Variants in CBLB observed in about 807,000 individuals in gnomAD.
CBLB encodes the protein Cbl proto-oncogene B.
Under a neutral mutation model 104.9 loss-of-function variants are expected in CBLB, and 31 were observed. The ratio of observed to expected loss-of-function variants is 0.30; its 90% CI spans 0.22 to 0.40. The LOEUF is 0.40. Ranked by LOEUF, CBLB falls within the 10% of genes least tolerant of loss-of-function variation. The pLI is 1.00. For missense variants in CBLB, 1,062 were observed against 1,214.6 expected, an observed-to-expected ratio of 0.87 and a Z score of 1.87; for synonymous variants, 440 against 422.6, an observed-to-expected ratio of 1.04 and a Z score of -0.51.
At chr3:105,807,300 T>G (rs539003057) in intron 3 of CBLB, among the ~76,000 whole-genome samples, 8 of 152,312 alleles carry the variant, frequency 5.3e-5, no homozygotes, top group Non-Finnish European at 1.2e-4. Flanking sequence ...CTCACACCTG[T>G]AATCCCAGCA....
intron 2 of CBLB, among the ~76,000 whole-genome samples, chr3:105,857,961 A>C (rs1243962208): frequency 1.3e-5 from 2 of 152,220 alleles, no homozygotes; most frequent in Non-Finnish European, 2.9e-5. Context: ...TAAATTTGCC[A>C]AAAGGAGTAT....
intron 2 of CBLB, among the ~76,000 whole-genome samples, chr3:105,866,824 G>A (rs1261322278): frequency 2.0e-5 from 3 of 152,138 alleles, no homozygotes; most frequent in Admixed American, 6.5e-5. Flanking sequence ...TAAACAATGT[G>A]CCATCGAAAG....
intron 3 of CBLB, among the ~76,000 whole-genome samples, chr3:105,815,330 G>A (rs185055508): frequency 7.9e-5 from 12 of 152,214 alleles, no homozygotes; most frequent in Admixed American, 6.5e-5. Context: ...AAAAGCATCC[G>A]TTCTGTTCAA....
intron 2 of CBLB, among the ~76,000 whole-genome samples, chr3:105,861,070 T>C: frequency 6.6e-6 from 1 of 152,064 alleles, no homozygotes; most frequent in South Asian, 2.1e-4. Flanking sequence ...ATAAAATGTG[T>C]TGGATATTTT....
At chr3:105,839,733 G>A (rs1200126637) in intron 3 of CBLB, among the ~76,000 whole-genome samples, 1 of 152,198 alleles carries the variant, frequency 6.6e-6, no homozygotes, top group African/African-American at 2.4e-5. Flanking sequence ...ACTCACAGAA[G>A]GAAATACAAC....
intron 9 of CBLB, 30 bp downstream of exon 9, chr3:105,733,979 G>T (rs761052041): frequency 1.9e-6 from 3 of 1,606,974 alleles, no homozygotes; most frequent in Non-Finnish European, 2.6e-6. Flanking sequence ...GGACATATAA[G>T]AAAGACATCC....
chr3:105,703,288 T>C (rs755938415), intron 11 of CBLB, among the ~76,000 whole-genome samples: 1 of 152,192 alleles, frequency 6.6e-6, no homozygotes, highest in Non-Finnish European at 1.5e-5. Context: ...GGTTAACTGG[T>C]AATACAGGAA....
rs189401157 is a variant in CBLB, at chr3:105,771,558, A to G, written c.566+4838T>C. On this transcript the variant is annotated intron_variant, in intron 4 of 18. Transcript: ENST00000394030. ...AGCAATCCAATAAAAAAAAAGAAAG[A>G]AGAAGCATCCAAATTGGAAAAGAGG... 2.0e-3 allele frequency among the ~76,000 whole-genome samples: 300 copies of G among 152,266 alleles called. 2 individuals carry two copies. The highest frequency in any genetic ancestry group is 7.0e-3 in the African/African-American group (292 of 41,552).
At chr3:105,698,809 A>ACT (rs1363510178) in intron 12 of CBLB, among the ~76,000 whole-genome samples, 1 of 152,056 alleles carries the variant, frequency 6.6e-6, no homozygotes, top group African/African-American at 2.4e-5. Context: ...CTTTTTAAAA[A>ACT]ATCAAAATAT....
chr3:105,783,132 C>T (rs2080497717), intron 3 of CBLB, among the ~76,000 whole-genome samples: 2 of 152,054 alleles, frequency 1.3e-5, no homozygotes, highest in South Asian at 2.1e-4. Context: ...TACATATTGA[C>T]GAGTTTGGTC....
At chr3:105,678,060 T>A (rs929425068) in intron 17 of CBLB, among the ~76,000 whole-genome samples, 14 of 152,094 alleles carry the variant, frequency 9.2e-5, no homozygotes, top group African/African-American at 3.1e-4. Context: ...AAAAACCTAT[T>A]AAAAAACATT....
chr3:105,657,133 C>T lies in CBLB; in HGVS notation c.*1837G>A. The stretch of plus-strand genomic sequence containing the variant: ...AGTCCTCATCTCATACCATGAAAGC[C>T]AGACTGTCAAAAAAAGGGCACATGT... On this transcript the variant is annotated 3_prime_UTR_variant, in exon 19 of 19. Transcript: ENST00000394030. 1 of 225,104 alleles carries T rather than the reference C, an allele frequency of 4.4e-6. No individual in the cohort carries two copies. Among genetic ancestry groups the T allele is most frequent in the Non-Finnish European group, 8.8e-6 (1 of 113,002 alleles). 13.9% of individuals were successfully genotyped at this position (225,104 alleles called of 1,614,324 possible). A position where few individuals can be genotyped will look rare whatever the true frequency, so the allele number is the denominator to read the frequency against.
At position 105,702,363 on chromosome 3, in the gene CBLB, G is replaced by A. The variant is rs542952599; in HGVS notation, c.1690C>T (p.Pro564Ser). The change falls in exon 12 of 19, where the codon CCA becomes TCA. Residue 564 changes from proline to serine, a missense_variant. Pro to Ser is a moderately conservative substitution (Grantham distance 74, BLOSUM62 -1). Coordinates refer to ENST00000394030, the MANE Select transcript of CBLB (RefSeq NM_170662.5). ...CTCAGTCTATTGTCTGGTGGGATTG[G>A]TGGAGGTCTTTCAGGTGGCGGTGGA... ...PPPPPPERPP[P>S]IPPDNRLSRH... The A allele has an allele frequency of 1.2e-6, 2 of 1,613,630 alleles. No homozygotes were observed. Among genetic ancestry groups the A allele is most frequent in the Non-Finnish European group, 1.7e-6 (2 of 1,179,884 alleles).
chr3:105,660,720 A>G (rs939847939), intron 18 of CBLB, among the ~76,000 whole-genome samples: 8 of 152,124 alleles, frequency 5.3e-5, no homozygotes, highest in Non-Finnish European at 1.0e-4. Context: ...AACTTTCCCA[A>G]TGGCTTCAGG....
At chr3:105,753,162 T>C (rs1162345385) in intron 4 of CBLB, among the ~76,000 whole-genome samples, 8 of 152,026 alleles carry the variant, frequency 5.3e-5, no homozygotes, top group Non-Finnish European at 8.8e-5. Context: ...GTGAGACAGG[T>C]TGACAACACT....
In CBLB at chr3:105,718,353, TG is replaced by T. The variant is rs1387995897; in HGVS notation, c.1407+1693del. Among the ~76,000 whole-genome samples the T allele has an allele frequency of 2.6e-5, 4 of 152,236 alleles. No homozygotes were observed. The South Asian group carries it at 6.2e-4, about 24-fold the overall frequency. On this transcript the variant is annotated intron_variant, in intron 10 of 18. Transcript: ENST00000394030. ...AAAATGCAAAATTTGAGAGTAGCCA[TG>T]TTGGTGATGTTAACATATCTTCCTA...
chr3:105,757,330 T>C (rs2077172861), intron 4 of CBLB, among the ~76,000 whole-genome samples: 1 of 152,170 alleles, frequency 6.6e-6, no homozygotes, highest in Non-Finnish European at 1.5e-5. Context: ...TTGAATTCCA[T>C]AAACATAAAG....
At chr3:105,797,453 G>A (rs1378648310) in intron 3 of CBLB, among the ~76,000 whole-genome samples, 1 of 149,098 alleles carries the variant, frequency 6.7e-6, no homozygotes, top group African/African-American at 2.5e-5. Flanking sequence ...AGGGTGAAGG[G>A]CAGGAGGAGA....
At chr3:105,862,841 G>C (rs1002880618) in intron 2 of CBLB, among the ~76,000 whole-genome samples, 8 of 151,984 alleles carry the variant, frequency 5.3e-5, no homozygotes, top group Admixed American at 5.2e-4. Context: ...TCCAACCCAT[G>C]AGCTGGCCAG....
Sources: allele counts gnomAD v4.1 joint callset (sites outside exome capture counted in the v4.1 genomes callset), GRCh38; gene constraint gnomAD v4.1.1; transcripts MANE v1.5; gene names NCBI Gene and HGNC (gene_info 2026-07-23, HGNC 2026-07-21).